The following ARL13A variants were observed in gnomAD, a reference collection of about 807,000 sequenced individuals.
The protein encoded by ARL13A is ADP-ribosylation factor-like protein 13A.
In ARL13A, 16 loss-of-function variants were observed where a neutral mutation model predicts 19.1. The ratio of observed to expected loss-of-function variants is 0.84; its 90% CI spans 0.57 to 1.27. The LOEUF is 1.27. Among genes scored for constraint, ARL13A ranks in the 50% most tolerant of loss-of-function variants. The pLI, the probability that ARL13A is intolerant of heterozygous loss-of-function variation, is 0.00. For missense variants in ARL13A, 153 were observed against 186.4 expected, an observed-to-expected ratio of 0.82 and a Z score of 1.04; for synonymous variants, 69 against 71.3, an observed-to-expected ratio of 0.97 and a Z score of 0.17.
At chrX:100,990,403 T>C (rs992266876) in intron 7 of ARL13A, 159 bp from the exon 8 acceptor site, 1 of 943,613 alleles carries the variant, frequency 1.1e-6, no homozygotes, top group Non-Finnish European at 1.3e-6. Context: ...AAACAGTTGA[T>C]ATCCCTCCCT....
At chrX:100,970,124 G>C (rs143518677) in intron 1 of ARL13A, among the ~76,000 whole-genome samples, 48 of 112,593 alleles carry the variant, frequency 4.3e-4, no homozygotes, top group Non-Finnish European at 7.3e-4. Context: ...TTCTCCAAGG[G>C]AGATGGCTAT....
intron 7 of ARL13A, chrX:100,990,341 G>C (rs1375835569): frequency 9.8e-6 from 9 of 922,222 alleles, no homozygotes; most frequent in Non-Finnish European, 1.2e-5. Context: ...AACAGAGAAA[G>C]TAAAAGAAAG....
chrX:100,981,731 T>C (rs975856709), intron 3 of ARL13A, among the ~76,000 whole-genome samples: 2 of 106,913 alleles, frequency 1.9e-5, no homozygotes, highest in African/African-American at 6.8e-5. Flanking sequence ...ATCACTTGAG[T>C]CCAGGAGGTC....
intron 3 of ARL13A, among the ~76,000 whole-genome samples, chrX:100,980,008 C>G (rs1343838526): frequency 9.0e-6 from 1 of 110,927 alleles, no homozygotes; most frequent in African/African-American, 3.3e-5. Flanking sequence ...TACAAGCACT[C>G]TTGTGGCCAC....
At chrX:100,978,522 C>G (rs1298980383) in intron 3 of ARL13A, among the ~76,000 whole-genome samples, 1 of 111,115 alleles carries the variant, frequency 9.0e-6, no homozygotes. Context: ...GCTACTCCCG[C>G]TCTTTTGGGT....
At chrX:100,987,631 C>A in intron 6 of ARL13A, 75 bp downstream of exon 6, 1 of 1,101,943 alleles carries the variant, frequency 9.1e-7, no homozygotes, top group South Asian at 2.1e-5. Flanking sequence ...GCAAGGAGTT[C>A]TGGGAGGTGC....
At chrX:100,985,976 A>C (rs2085930499) in intron 4 of ARL13A, 60 bp downstream of exon 4, 4 of 1,139,081 alleles carry the variant, frequency 3.5e-6, no homozygotes, top group Non-Finnish European at 4.7e-6. Context: ...AAAAGTATAG[A>C]AATGAAGGGT....
chrX:100,976,349 C>T (rs2085761337), intron 3 of ARL13A, among the ~76,000 whole-genome samples: 1 of 111,049 alleles, frequency 9.0e-6, no homozygotes, highest in African/African-American at 3.3e-5. Context: ...TCCTAGAGGA[C>T]ACTGCCTAGA....
At chrX:100,973,828 C>T in intron 2 of ARL13A, 80 bp downstream of exon 2, 1 of 989,107 alleles carries the variant, frequency 1.0e-6, no homozygotes, top group African/African-American at 1.9e-5. Context: ...AGGGACAAAT[C>T]TTCATAATAT....
intron 3 of ARL13A, among the ~76,000 whole-genome samples, 160 bp from the exon 4 acceptor site, chrX:100,985,507 T>A (rs183810910): frequency 8.9e-6 from 1 of 111,743 alleles, no homozygotes; most frequent in East Asian, 2.8e-4. Context: ...GATCTAACTA[T>A]ATTTCCCTAC....
intron 3 of ARL13A, among the ~76,000 whole-genome samples, chrX:100,984,740 T>C (rs1437799316): frequency 8.9e-6 from 1 of 111,791 alleles, no homozygotes; most frequent in African/African-American, 3.3e-5. Flanking sequence ...CAACAGACCA[T>C]GTGCTCAACA....
chrX:100,984,148 T>G (rs1266143784), intron 3 of ARL13A, among the ~76,000 whole-genome samples: 1 of 107,244 alleles, frequency 9.3e-6, no homozygotes, highest in Non-Finnish European at 1.9e-5. Flanking sequence ...AGTTTCACTC[T>G]TGTCCCCCAT....
At position 100,987,376 on chromosome X, in the gene ARL13A, CTCTTT is replaced by C. The variant is rs760501659; in HGVS notation, c.487-12_487-8del. 13 of 1,206,304 alleles carry C rather than the reference CTCTTT, an allele frequency of 1.1e-5. No homozygotes were observed. The African/African-American group carries it at 1.8e-4, about 16-fold the overall frequency. Reference sequence around the variant, plus strand: ...GGCTCCAGGTCTGCAGCCTTCTCTTCTCTTTTGTCACAGGAGCCATGTTCAGCCAT... The same window carrying C: ...GGCTCCAGGTCTGCAGCCTTCTCTTCTGTCACAGGAGCCATGTTCAGCCAT... On this transcript the variant is annotated splice_polypyrimidine_tract_variant and intron_variant, in intron 5 of 7. Transcript: ENST00000450049.
In ARL13A at chrX:100,990,781, T is replaced by C; in HGVS notation, c.*193T>C. 2.4e-6 allele frequency: 1 copy of C among 413,221 alleles called. No individual in the cohort carries two copies. The highest frequency in any genetic ancestry group is 4.7e-5 in the Admixed American group (1 of 21,282). The allele number at this position is 413,221 out of a possible 1,213,427, so 34.1% of individuals were successfully genotyped here. A position where few individuals can be genotyped will look rare whatever the true frequency, so the allele number is the denominator to read the frequency against. On this transcript the variant is annotated 3_prime_UTR_variant, in exon 8 of 8. Transcript: ENST00000450049. ...AAATAAGTATTTTTTTCTTTAAGGT[T>C]CTTAGGCAGAAAAGGATTGGCAAAA...
chrX:100,973,828 C>A, intron 2 of ARL13A, 80 bp downstream of exon 2: 1 of 989,105 alleles, frequency 1.0e-6, no homozygotes, highest in Non-Finnish European at 1.4e-6. Flanking sequence ...AGGGACAAAT[C>A]TTCATAATAT....
intron 3 of ARL13A, among the ~76,000 whole-genome samples, chrX:100,976,490 G>T (rs867243959): frequency 2.7e-5 from 3 of 111,775 alleles, no homozygotes; most frequent in Non-Finnish European, 5.6e-5. Context: ...ACATTCTGAA[G>T]AATGTCTCAG....
intron 7 of ARL13A, 76 bp downstream of exon 7, chrX:100,988,359 T>A: frequency 8.3e-7 from 1 of 1,206,997 alleles, no homozygotes; most frequent in Non-Finnish European, 1.1e-6. Context: ...TTCCCCCCCA[T>A]CATCTTCTTG....
chrX:100,990,240 T>C (rs751079376), intron 7 of ARL13A: 3 of 618,709 alleles, frequency 4.8e-6, no homozygotes, highest in Non-Finnish European at 5.9e-6. Flanking sequence ...AACTGGCCAA[T>C]ACCCTCCTAC....
At position 100,974,234 on chromosome X, in the gene ARL13A, T is replaced by C. The variant is rs1038716800; in HGVS notation, c.130+37T>C. 5 of 1,009,881 alleles carry C rather than the reference T, an allele frequency of 5.0e-6. No individual in the cohort carries two copies. In the African/African-American group the frequency reaches 7.6e-5, roughly 15 times the overall value. 83.2% of individuals were successfully genotyped at this position (1,009,881 alleles called of 1,213,427 possible). On this transcript the variant is annotated intron_variant, in intron 3 of 7. Transcript: ENST00000450049. The stretch of plus-strand genomic sequence containing the variant: ...AGAGCATTAGATACTGGCGTGGGTC[T>C]CCCATGGACCCCAGAATCCAGTGAA...
Sources: allele counts gnomAD v4.1 joint callset (sites outside exome capture counted in the v4.1 genomes callset), GRCh38; gene constraint gnomAD v4.1.1; transcripts MANE v1.5; gene names NCBI Gene and HGNC (gene_info 2026-07-23, HGNC 2026-07-21).